CNBD2: variants seen among roughly 807,000 people sequenced by gnomAD.
The protein encoded by CNBD2 is cyclic nucleotide-binding domain-containing protein 2.
A neutral mutation model predicts 63.7 loss-of-function variants in CNBD2; 64 were observed. The ratio of observed to expected loss-of-function variants is 1.00; its 90% CI spans 0.82 to 1.24. The LOEUF is 1.24. Ranked by LOEUF, CNBD2 falls within the 50% of genes most tolerant of loss-of-function variation. The probability of loss-of-function intolerance (pLI) is 0.00; values close to 1 mark genes in which losing one functional copy is unlikely to be tolerated. For synonymous variants in CNBD2, 229 were observed against 255.4 expected (o/e 0.90, Z 0.99); for missense variants, 691 against 713.5 (o/e 0.97, Z 0.36).
rs145994904 is a variant in CNBD2 at position 36,012,709 on chromosome 20, C to T, written c.1269+1452C>T. 4.1e-3 allele frequency among the ~76,000 whole-genome samples: 613 copies of T among 151,076 alleles called. 8 individuals are homozygous for T. The highest frequency in any genetic ancestry group is 0.014 in the African/African-American group (589 of 41,090). On this transcript the variant is annotated intron_variant, in intron 10 of 11. Transcript: ENST00000373973. Reference sequence around the variant, plus strand: ...GCATGGTGGACACCTGTAATCCCAGCTACTCGGGAGGCTGTGTCAGGAGAA... The same window carrying T: ...GCATGGTGGACACCTGTAATCCCAGTTACTCGGGAGGCTGTGTCAGGAGAA...
rs547393652 is a variant in CNBD2 at position 36,009,522 on chromosome 20, GAAGAAA to G, written c.1148+1064_1148+1069del. 3.8e-4 allele frequency among the ~76,000 whole-genome samples: 57 copies of G among 150,078 alleles called. No individual in the cohort carries two copies. The South Asian group carries it at 9.9e-3, about 26-fold the overall frequency. Reference sequence around the variant, plus strand: ...CAACCGACCCTATCTCTTAAAAAAAGAAGAAAAAGAAAAAGAAAAAGGAAACAGGCT... The same window carrying G: ...CAACCGACCCTATCTCTTAAAAAAAGAAGAAAAAGAAAAAGGAAACAGGCT... On this transcript the variant is annotated intron_variant, in intron 9 of 11. Transcript: ENST00000373973.
chr20:36,015,427 A>C (rs932647679), intron 10 of CNBD2, among the ~76,000 whole-genome samples: 10 of 151,780 alleles, frequency 6.6e-5, no homozygotes, highest in Non-Finnish European at 1.0e-4. Context: ...GTCATACCCC[A>C]AAAAAAACCA....
chr20:36,011,771 T>A (rs1195128279), intron 10 of CNBD2, among the ~76,000 whole-genome samples: 1 of 152,188 alleles, frequency 6.6e-6, no homozygotes, highest in Non-Finnish European at 1.5e-5. Context: ...AAGAAAAACC[T>A]CCTGAAACTA....
At chr20:35,970,950 C>CTTT (rs539363959) in intron 1 of CNBD2, among the ~76,000 whole-genome samples, 1 of 136,772 alleles carries the variant, frequency 7.3e-6, no homozygotes, top group African/African-American at 2.7e-5. Context: ...TTTTCTTTTT[C>CTTT]TTTTTTTTTT....
chr20:35,983,416 G>A (rs1223354347), intron 4 of CNBD2, among the ~76,000 whole-genome samples: 2 of 152,028 alleles, frequency 1.3e-5, no homozygotes, highest in African/African-American at 2.4e-5. Context: ...GTTCGCTCTG[G>A]GCCTGGGCAC....
At chr20:35,998,572 A>G (rs1482282251) in intron 8 of CNBD2, among the ~76,000 whole-genome samples, 2 of 152,160 alleles carry the variant, frequency 1.3e-5, no homozygotes, top group South Asian at 2.1e-4. Context: ...TACTTGCTCT[A>G]TCAATTGTTA....
intron 8 of CNBD2, among the ~76,000 whole-genome samples, chr20:36,003,460 G>A (rs1375430281): frequency 1.3e-5 from 2 of 152,138 alleles, no homozygotes; most frequent in Non-Finnish European, 1.5e-5. Flanking sequence ...AATTTGTTAT[G>A]TGGGGTCAGA....
chr20:35,990,593 A>G (rs2056732265), intron 7 of CNBD2, among the ~76,000 whole-genome samples: 1 of 151,062 alleles, frequency 6.6e-6, no homozygotes, highest in Non-Finnish European at 1.5e-5. Flanking sequence ...TCACCACTGC[A>G]CTCCAGCCTG....
At chr20:35,954,739 C>T (rs1182456819) in exon 1 of CNBD2, 4 of 798,818 alleles carry the variant, frequency 5.0e-6, no homozygotes, top group Non-Finnish European at 7.0e-6. Context: ...ATCCGTGCGC[C>T]GCTTCGGTTT....
At chr20:36,002,037 A>G (rs2056918061) in intron 8 of CNBD2, among the ~76,000 whole-genome samples, 2 of 152,198 alleles carry the variant, frequency 1.3e-5, no homozygotes, top group Non-Finnish European at 2.9e-5. Context: ...TTGGGAGGCC[A>G]AGGCAGGCGG....
chr20:35,985,004 A>T (rs899655351), intron 6 of CNBD2, among the ~76,000 whole-genome samples: 12 of 152,056 alleles, frequency 7.9e-5, no homozygotes, highest in Non-Finnish European at 1.5e-4. Flanking sequence ...AAGAATAGCT[A>T]ACACGGGACT....
chr20:36,015,176 T>G (rs993430028), intron 10 of CNBD2, among the ~76,000 whole-genome samples: 6 of 152,198 alleles, frequency 3.9e-5, no homozygotes, highest in Admixed American at 2.6e-4. Flanking sequence ...TTGAGAAATG[T>G]CTATTCAGAG....
intron 5 of CNBD2, 27 bp downstream of exon 5, chr20:35,984,165 C>T (rs1272203100): frequency 1.9e-6 from 3 of 1,573,872 alleles, no homozygotes; most frequent in African/African-American, 2.7e-5. Flanking sequence ...GACCCAGTTT[C>T]CTGGGGTGGA....
chr20:35,976,600 T>C (rs2056522808), intron 3 of CNBD2, among the ~76,000 whole-genome samples: 1 of 151,868 alleles, frequency 6.6e-6, no homozygotes, highest in Non-Finnish European at 1.5e-5. Context: ...TAAAAAAGAG[T>C]CCTCTCATTT....
At chr20:35,969,415 C>G (rs2056381330) in intron 1 of CNBD2, among the ~76,000 whole-genome samples, 1 of 152,124 alleles carries the variant, frequency 6.6e-6, no homozygotes, top group Non-Finnish European at 1.5e-5. Flanking sequence ...TAGAACATTA[C>G]AGGTGTAGGG....
intron 7 of CNBD2, among the ~76,000 whole-genome samples, chr20:35,991,846 A>T (rs192989496): frequency 6.6e-6 from 1 of 152,022 alleles, no homozygotes. Flanking sequence ...CTGGACCAGC[A>T]GCACCAGCAG....
intron 1 of CNBD2, among the ~76,000 whole-genome samples, chr20:35,971,682 C>G (rs1027485951): frequency 6.6e-6 from 1 of 152,226 alleles, no homozygotes; most frequent in African/African-American, 2.4e-5. Flanking sequence ...TCCCAAAGTG[C>G]TGGGATTACA....
At chr20:35,969,287 C>T (rs1601009252) in intron 1 of CNBD2, among the ~76,000 whole-genome samples, 1 of 152,166 alleles carries the variant, frequency 6.6e-6, no homozygotes, top group South Asian at 2.1e-4. Context: ...AAATGATTTA[C>T]ATATCAGAAT....
In CNBD2 at chr20:35,968,666, A is replaced by G. The variant is rs572679811; in HGVS notation, c.-97A>G. On this transcript the variant is annotated 5_prime_UTR_variant, in exon 1 of 12. Coordinates refer to ENST00000373973, the MANE Select transcript of CNBD2 (RefSeq NM_001365709.1). The stretch of plus-strand genomic sequence containing the variant: ...TCTTGCCTTGTTACTGAGGAAATCT[A>G]TTTGTTTCTAGTATTACTGGATTTT... 5 of 853,666 alleles carry G rather than the reference A, an allele frequency of 5.9e-6. No individual in the cohort carries two copies. In the Admixed American group the frequency reaches 1.1e-4, roughly 18 times the overall value. 52.9% of individuals were successfully genotyped at this position (853,666 alleles called of 1,614,324 possible).
Sources: gnomAD v4.1 joint callset for allele counts (sites outside exome capture counted in the v4.1 genomes callset) on GRCh38, gnomAD v4.1.1 for gene constraint, MANE v1.5 for transcripts, NCBI Gene and HGNC (gene_info 2026-07-23, HGNC 2026-07-21) for gene names.